Variants in C2CD3 observed in about 807,000 individuals in gnomAD.
The protein encoded by C2CD3 is C2 domain-containing protein 3.
C2CD3 carries 148 observed loss-of-function variants against 234.0 expected under a neutral mutation model. The observed-to-expected ratio is 0.63, with a 90% CI of 0.55 to 0.72. The LOEUF (loss-of-function observed/expected upper bound fraction) is 0.72, where lower values mean the gene tolerates loss of function less well. C2CD3 is among the 30% of genes least tolerant of loss of function. The pLI is 0.00. For synonymous variants in C2CD3, 1,000 were observed against 1,035.4 expected, an observed-to-expected ratio of 0.97 and a Z score of 0.66; for missense variants, 2,577 against 2,811.5, an observed-to-expected ratio of 0.92 and a Z score of 1.89.
At position 74,084,957 on chromosome 11, in the gene C2CD3, G is replaced by A; in HGVS notation, c.3924C>T (p.Ile1308=). The A allele has an allele frequency of 1.2e-6, 2 of 1,605,528 alleles. No individual in the cohort carries two copies. Among genetic ancestry groups the A allele is most frequent in the South Asian group, 2.2e-5 (2 of 90,362 alleles). ...HENTKSASDI[I]SIESCKEYLL... The stretch of plus-strand genomic sequence containing the variant: ...GATACTCTTTGCATGACTCAATACT[G>A]ATTATATCACTTGCTGTTAAATCAA... The change falls in exon 22 of 33, where the codon ATC becomes ATT. Residue 1308 remains isoleucine (I), a synonymous_variant. Coordinates refer to ENST00000334126, the MANE Select transcript of C2CD3 (RefSeq NM_001286577.2).
At position 74,106,098 on chromosome 11, in the gene C2CD3, GT is replaced by G. The variant is rs1956505996; in HGVS notation, c.2085+272del. Among the ~76,000 whole-genome samples the G allele has an allele frequency of 2.0e-5, 3 of 152,124 alleles. No individual in the cohort carries two copies. The South Asian group carries it at 6.2e-4, about 31-fold the overall frequency. On this transcript the variant is annotated intron_variant, in intron 13 of 32. Coordinates refer to ENST00000334126, the MANE Select transcript of C2CD3 (RefSeq NM_001286577.2). ...TTATTCTCTCTGGAATGGTCTCTGT[GT>G]TTTTTACTTACTCCTCTTATTCTTC...
intron 9 of C2CD3, among the ~76,000 whole-genome samples, chr11:74,117,964 G>C (rs1957086108): frequency 6.6e-6 from 1 of 151,574 alleles, no homozygotes; most frequent in South Asian, 2.1e-4. Flanking sequence ...ATATTGCTTG[G>C]GTGATGGGAG....
rs1430492380 is a variant in C2CD3, at chr11:74,048,193, G to C, written c.5495+12C>G. The C allele has an allele frequency of 6.2e-7, 1 of 1,611,832 alleles. No homozygotes were observed. Among genetic ancestry groups the C allele is most frequent in the African/African-American group, 1.3e-5 (1 of 74,966 alleles). On this transcript the variant is annotated intron_variant, in intron 28 of 32. Transcript: ENST00000334126. ...TAACCCCATTTCTTCTCATCATCAA[G>C]AATTCACTCACCTCCCAGGAGAGGA...
chr11:74,150,272 T>C (rs1276727423), intron 3 of C2CD3, among the ~76,000 whole-genome samples: 2 of 148,670 alleles, frequency 1.3e-5, no homozygotes, highest in African/African-American at 2.5e-5. Flanking sequence ...AAGCCAGGAG[T>C]TTGAAACCAG....
chr11:74,143,857 G>A (rs947486245), intron 3 of C2CD3, among the ~76,000 whole-genome samples: 1 of 151,994 alleles, frequency 6.6e-6, no homozygotes, highest in African/African-American at 2.4e-5. Flanking sequence ...TCTGGGCCTG[G>A]AGATTTCTTT....
At chr11:74,047,544 T>G (rs569451630) in intron 28 of C2CD3, among the ~76,000 whole-genome samples, 76 of 152,326 alleles carry the variant, frequency 5.0e-4, no homozygotes, top group African/African-American at 1.8e-3. Context: ...TAGCCCTGAA[T>G]TGGGCCTTAG....
At chr11:74,058,894 G>A (rs1381774026) in intron 24 of C2CD3, among the ~76,000 whole-genome samples, 1 of 152,108 alleles carries the variant, frequency 6.6e-6, no homozygotes, top group Non-Finnish European at 1.5e-5. Flanking sequence ...TATTTCAAGT[G>A]CTCGATAGCC....
intron 3 of C2CD3, among the ~76,000 whole-genome samples, chr11:74,140,660 C>T (rs774232835): frequency 4.6e-5 from 7 of 152,024 alleles, no homozygotes; most frequent in African/African-American, 1.4e-4. Flanking sequence ...ATTTTTCTAT[C>T]GACTACTTAG....
At chr11:74,157,698 T>C (rs1856127418) in intron 3 of C2CD3, among the ~76,000 whole-genome samples, 2 of 152,232 alleles carry the variant, frequency 1.3e-5, no homozygotes, top group Non-Finnish European at 2.9e-5. Context: ...CATTTTAGAA[T>C]ACAATTGACA....
At chr11:74,149,009 T>C (rs1855411272) in intron 3 of C2CD3, among the ~76,000 whole-genome samples, 2 of 152,234 alleles carry the variant, frequency 1.3e-5, no homozygotes, top group South Asian at 4.1e-4. Context: ...ATAGACACCA[T>C]TTCTCTTTCC....
At chr11:74,079,559 G>A (rs1439533313) in intron 22 of C2CD3, among the ~76,000 whole-genome samples, 1 of 150,696 alleles carries the variant, frequency 6.6e-6, no homozygotes, top group African/African-American at 2.4e-5. Context: ...TCTAGTATGT[G>A]TCAGAAATTC....
chr11:74,138,149 C>T (rs1163399665), intron 5 of C2CD3, among the ~76,000 whole-genome samples: 4 of 152,266 alleles, frequency 2.6e-5, no homozygotes, highest in East Asian at 3.9e-4. Flanking sequence ...TTTTATTATA[C>T]CACTCCTTAA....
chr11:74,055,207 G>A (rs1953898938), intron 25 of C2CD3, among the ~76,000 whole-genome samples: 1 of 152,132 alleles, frequency 6.6e-6, no homozygotes, highest in African/African-American at 2.4e-5. Flanking sequence ...TGGTTTGCTT[G>A]AGGTCACTTA....
intron 8 of C2CD3, among the ~76,000 whole-genome samples, chr11:74,121,952 A>G (rs1393142842): frequency 2.6e-5 from 4 of 152,160 alleles, no homozygotes; most frequent in Non-Finnish European, 5.9e-5. Flanking sequence ...CCCGTAGCCC[A>G]GTGGCTTCCT....
chr11:74,068,371 T>C (rs1390523150), intron 24 of C2CD3, among the ~76,000 whole-genome samples: 1 of 152,216 alleles, frequency 6.6e-6, no homozygotes, highest in Non-Finnish European at 1.5e-5. Flanking sequence ...ATAATCTGTG[T>C]TTCCCTCACT....
intron 7 of C2CD3, among the ~76,000 whole-genome samples, chr11:74,132,430 T>C (rs953003058): frequency 6.6e-6 from 1 of 152,264 alleles, no homozygotes; most frequent in Non-Finnish European, 1.5e-5. Flanking sequence ...ACATCATTTT[T>C]AATCCTTACA....
intron 20 of C2CD3, among the ~76,000 whole-genome samples, chr11:74,088,941 A>T (rs1397662109): frequency 6.6e-6 from 1 of 152,206 alleles, no homozygotes; most frequent in Admixed American, 6.5e-5. Context: ...GGCTGTATAC[A>T]ACTTAGGAGG....
At chr11:74,026,788 T>G (rs1002622593) in intron 32 of C2CD3, among the ~76,000 whole-genome samples, 2 of 151,832 alleles carry the variant, frequency 1.3e-5, no homozygotes, top group Admixed American at 1.3e-4. Flanking sequence ...GCCAACATGG[T>G]GAAACCCTGT....
intron 28 of C2CD3, among the ~76,000 whole-genome samples, chr11:74,045,681 C>T (rs1953338550): frequency 6.6e-6 from 1 of 152,034 alleles, no homozygotes; most frequent in Admixed American, 6.6e-5. Context: ...AAGCAATTCT[C>T]CTGCTTCAGT....
Sources: allele counts gnomAD v4.1 joint callset (sites outside exome capture counted in the v4.1 genomes callset), GRCh38; gene constraint gnomAD v4.1.1; transcripts MANE v1.5; gene names NCBI Gene and HGNC (gene_info 2026-07-23, HGNC 2026-07-21).